The following PRKX variants were observed in gnomAD, a reference collection of about 807,000 sequenced individuals.
PRKX encodes cAMP-dependent protein kinase catalytic subunit PRKX.
A neutral mutation model predicts 22.0 loss-of-function variants in PRKX; 12 were observed. The observed-to-expected ratio is 0.54, with a 90% CI of 0.35 to 0.88. PRKX has a LOEUF of 0.88. Among genes scored for constraint, PRKX ranks in the 40% least tolerant of loss-of-function variants. PRKX has a pLI of 0.01. For missense variants in PRKX, 217 were observed against 308.0 expected (o/e 0.70, Z 2.21); for synonymous variants, 134 against 137.7 (o/e 0.97, Z 0.19).
chrX:3,689,961 A>G (rs1398461934), intron 1 of PRKX, among the ~76,000 whole-genome samples: 1 of 111,434 alleles, frequency 9.0e-6, no homozygotes, highest in Non-Finnish European at 1.9e-5. Flanking sequence ...TGCGTGACAG[A>G]GCAAGACTCT....
intron 3 of PRKX, among the ~76,000 whole-genome samples, chrX:3,650,520 C>CAAAAAA (rs748871957): frequency 6.6e-4 from 25 of 37,771 alleles, no homozygotes; most frequent in East Asian, 3.7e-3. Flanking sequence ...GACTCCTCTC[C>CAAAAAA]AAAAAAAAAA....
chrX:3,691,120 C>G (rs909267772), intron 1 of PRKX, among the ~76,000 whole-genome samples: 4 of 112,023 alleles, frequency 3.6e-5, no homozygotes, highest in Non-Finnish European at 7.5e-5. Flanking sequence ...GAGCCCCGTA[C>G]AGAGGGATCA....
chrX:3,628,649 T>C (rs1263769021), intron 4 of PRKX, among the ~76,000 whole-genome samples: 1 of 111,218 alleles, frequency 9.0e-6, no homozygotes, highest in African/African-American at 3.3e-5. Flanking sequence ...GGGGGGAGGA[T>C]CGCTTGAGCA....
chrX:3,680,020 GACA>G (rs2146598185), intron 1 of PRKX, among the ~76,000 whole-genome samples: 1 of 111,183 alleles, frequency 9.0e-6, no homozygotes, highest in East Asian at 2.8e-4. Flanking sequence ...GAAAGCCTCT[GACA>G]GTGTGGCCAC....
chrX:3,696,326 A>G (rs148387044), intron 1 of PRKX, among the ~76,000 whole-genome samples: 10 of 111,629 alleles, frequency 9.0e-5, no homozygotes, highest in African/African-American at 3.3e-4. Context: ...TCAACTTACA[A>G]TGATGACATT....
At chrX:3,659,177 G>A (rs2146586167) in intron 2 of PRKX, among the ~76,000 whole-genome samples, 1 of 108,938 alleles carries the variant, frequency 9.2e-6, no homozygotes, top group African/African-American at 3.4e-5. Context: ...TTTGAGCCCA[G>A]GAATTGGAGG....
intron 1 of PRKX, among the ~76,000 whole-genome samples, chrX:3,709,314 G>T: frequency 9.0e-6 from 1 of 111,229 alleles, no homozygotes; most frequent in East Asian, 2.8e-4. Context: ...TGGCTGAAGG[G>T]TCCATGAGAC....
intron 4 of PRKX, among the ~76,000 whole-genome samples, chrX:3,629,605 A>G (rs1926728879): frequency 9.0e-6 from 1 of 110,623 alleles, no homozygotes; most frequent in Non-Finnish European, 1.9e-5. Flanking sequence ...GTGGCACACA[A>G]CAGGTGCTCA....
intron 2 of PRKX, among the ~76,000 whole-genome samples, chrX:3,665,048 A>G (rs6641828): frequency 0.18 from 19,591 of 111,711 alleles, 1,409 homozygotes; most frequent in East Asian, 0.34. Context: ...GACAAAAATG[A>G]TGCATACTCT....
At chrX:3,642,473 AAGG>A (rs1927100498) in intron 3 of PRKX, among the ~76,000 whole-genome samples, 1 of 109,861 alleles carries the variant, frequency 9.1e-6, no homozygotes, top group African/African-American at 3.3e-5. Context: ...TGGCCGCTGG[AAGG>A]AGAAGCACAG....
At chrX:3,646,930 T>C (rs992426381) in intron 3 of PRKX, among the ~76,000 whole-genome samples, 8 of 110,505 alleles carry the variant, frequency 7.2e-5, no homozygotes, top group African/African-American at 2.6e-4. Flanking sequence ...AATACCCACG[T>C]CCTAGTATGA....
At chrX:3,684,880 G>T (rs186411969) in intron 1 of PRKX, among the ~76,000 whole-genome samples, 226 of 111,900 alleles carry the variant, frequency 2.0e-3, no homozygotes, top group Middle Eastern at 9.2e-3. Flanking sequence ...GTAGTGGCAC[G>T]ATCACAGCTC....
At chrX:3,635,829 A>T (rs1926876077) in intron 4 of PRKX, among the ~76,000 whole-genome samples, 1 of 111,593 alleles carries the variant, frequency 9.0e-6, no homozygotes, top group Non-Finnish European at 1.9e-5. Flanking sequence ...GGGCTTAAGC[A>T]GTTCTTCTGT....
Position 3,653,971 on chromosome X carries a change from GAT to G in PRKX, c.599+1176_599+1177del, listed in dbSNP as rs768907626. On this transcript the variant is annotated intron_variant, in intron 3 of 8. Coordinates refer to ENST00000262848, the MANE Select transcript of PRKX (RefSeq NM_005044.5). ...ATATAATATATATTATATACTATGTGATATATATATTATATATATTATATACT... is the reference window on the plus strand; with the variant it reads ...ATATAATATATATTATATACTATGTGATATATATTATATATATTATATACT... Among the ~76,000 whole-genome samples, 193 of 67,666 alleles carry G rather than the reference GAT, an allele frequency of 2.9e-3. 2 individuals carry two copies. The highest frequency in any genetic ancestry group is 0.011 in the African/African-American group (180 of 15,912). 58.8% of individuals were successfully genotyped at this position (67,666 alleles called of 115,157 possible). A position where few individuals can be genotyped will look rare whatever the true frequency, so the allele number is the denominator to read the frequency against.
intron 2 of PRKX, among the ~76,000 whole-genome samples, chrX:3,656,808 T>C (rs1267633341): frequency 2.7e-5 from 3 of 112,194 alleles, no homozygotes; most frequent in African/African-American, 9.7e-5. Context: ...AAAAATACCA[T>C]ATACTAGGGG....
At chrX:3,650,695 A>G (rs1468883413) in intron 3 of PRKX, among the ~76,000 whole-genome samples, 3 of 107,681 alleles carry the variant, frequency 2.8e-5, no homozygotes, top group African/African-American at 1.0e-4. Flanking sequence ...CCTAGGCAAC[A>G]TGGTGAAACC....
At chrX:3,646,082 G>A (rs1927181827) in intron 3 of PRKX, among the ~76,000 whole-genome samples, 1 of 112,050 alleles carries the variant, frequency 8.9e-6, no homozygotes, top group South Asian at 3.7e-4. Context: ...ATCATGAACA[G>A]GAGTTCAAGA....
intron 1 of PRKX, among the ~76,000 whole-genome samples, chrX:3,675,349 C>A (rs1012683658): frequency 3.6e-5 from 4 of 111,324 alleles, no homozygotes; most frequent in Non-Finnish European, 7.5e-5. Flanking sequence ...AACAAAACAA[C>A]AACAACAACT....
intron 5 of PRKX, among the ~76,000 whole-genome samples, chrX:3,624,984 T>C (rs751792366): frequency 2.7e-5 from 3 of 110,780 alleles, no homozygotes; most frequent in Non-Finnish European, 5.7e-5. Flanking sequence ...TCAACTCAGA[T>C]GGGATTTGGG....
Sources: allele counts gnomAD v4.1 joint callset (sites outside exome capture counted in the v4.1 genomes callset), GRCh38; gene constraint gnomAD v4.1.1; transcripts MANE v1.5; gene names NCBI Gene and HGNC (gene_info 2026-07-23, HGNC 2026-07-21).